Variants in MYOF observed in about 807,000 individuals in gnomAD.
MYOF encodes the protein myoferlin, also known as fer-1-like 3, myoferlin.
Under a neutral mutation model 284.2 loss-of-function variants are expected in MYOF, and 244 were observed. That is an observed-to-expected ratio of 0.86 (90% confidence interval 0.77 to 0.95). The LOEUF (loss-of-function observed/expected upper bound fraction) is 0.95, where lower values mean the gene tolerates loss of function less well. Ranked by LOEUF, MYOF falls within the 40% of genes least tolerant of loss-of-function variation. The probability of loss-of-function intolerance (pLI) is 0.00; values close to 1 mark genes in which losing one functional copy is unlikely to be tolerated. For synonymous variants in MYOF, 904 were observed against 919.7 expected, an observed-to-expected ratio of 0.98 and a Z score of 0.31; for missense variants, 2,496 against 2,560.6, an observed-to-expected ratio of 0.97 and a Z score of 0.54.
In MYOF at chr10:93,385,898, A is replaced by G. The variant is rs543787806; in HGVS notation, c.1698+1899T>C. On this transcript the variant is annotated intron_variant, in intron 19 of 53. Transcript: ENST00000359263. ...TAATGAAATAAGCTTCTTTGCCTGT[A>G]TGTGTTTAACTATTTGCAGTGAAGA... is the stretch of plus-strand genomic sequence containing the variant. Among the ~76,000 whole-genome samples, 71 of 149,268 alleles carry G rather than the reference A, an allele frequency of 4.8e-4. 2 individuals carry two copies. The South Asian group carries it at 0.011, about 23-fold the overall frequency.
At chr10:93,353,384 G>T (rs1458938293) in intron 32 of MYOF, among the ~76,000 whole-genome samples, 1 of 152,100 alleles carries the variant, frequency 6.6e-6, no homozygotes, top group Non-Finnish European at 1.5e-5. Flanking sequence ...ACTCCAAACT[G>T]CTCAAAGCCT....
At chr10:93,474,210 C>T (rs1283429232) in intron 1 of MYOF, among the ~76,000 whole-genome samples, 2 of 152,134 alleles carry the variant, frequency 1.3e-5, no homozygotes, top group Non-Finnish European at 2.9e-5. Context: ...AAGCATTTGA[C>T]TCAACTAGTA....
In MYOF at chr10:93,411,980, T is replaced by TGATC. The variant is rs560179384; in HGVS notation, c.434-2245_434-2242dup. On this transcript the variant is annotated intron_variant, in intron 5 of 53. Coordinates refer to ENST00000359263, the MANE Select transcript of MYOF (RefSeq NM_013451.4). Reference sequence around the variant, plus strand: ...GAGTGTGACTCCCTACTCTGTCCTCTGATCCTTTGACTCAACACTCTGTAG... The same window carrying TGATC: ...GAGTGTGACTCCCTACTCTGTCCTCTGATCGATCCTTTGACTCAACACTCTGTAG... Among the ~76,000 whole-genome samples, 93 of 152,344 alleles carry TGATC rather than the reference T, an allele frequency of 6.1e-4. No homozygotes were observed. The East Asian group carries it at 0.015, about 24-fold the overall frequency.
chr10:93,310,703 C>A, intron 51 of MYOF, 60 bp from the exon 52 acceptor site: 1 of 1,484,572 alleles, frequency 6.7e-7, no homozygotes, highest in Non-Finnish European at 9.4e-7. Flanking sequence ...ATTTTTACTT[C>A]AACCCAAGGA....
At chr10:93,330,404 C>G (rs1308981923) in intron 43 of MYOF, among the ~76,000 whole-genome samples, 1 of 152,148 alleles carries the variant, frequency 6.6e-6, no homozygotes. Flanking sequence ...TCCTCTGCCT[C>G]AATAGAGACC....
Position 93,387,921 on chromosome 10 carries a change from G to A in MYOF, c.1582-8C>T. ...GTAGGCAACTCCTTCCCCCTGAAAG[G>A]CAATAATCCAGGATTATTCCTCTAG... On this transcript the variant is annotated splice_region_variant and splice_polypyrimidine_tract_variant and intron_variant, in intron 18 of 53. Transcript: ENST00000359263. The A allele has an allele frequency of 6.2e-7, 1 of 1,605,136 alleles. No individual in the cohort carries two copies. The highest frequency in any genetic ancestry group is 8.5e-7 in the Non-Finnish European group (1 of 1,172,344).
At chr10:93,357,882 G>A (rs1170772790) in intron 29 of MYOF, among the ~76,000 whole-genome samples, 3 of 152,216 alleles carry the variant, frequency 2.0e-5, no homozygotes, top group Middle Eastern at 3.2e-3. Flanking sequence ...GTGCCCTCGT[G>A]TGGAAGAAGA....
chr10:93,398,623 C>A (rs1035742844), intron 13 of MYOF, among the ~76,000 whole-genome samples: 5 of 152,222 alleles, frequency 3.3e-5, no homozygotes, highest in Non-Finnish European at 5.9e-5. Context: ...TGGGGTAAAG[C>A]CTGAATTTAA....
At chr10:93,307,195 CG>C (rs60442844) in intron 53 of MYOF, among the ~76,000 whole-genome samples, 194 bp from the exon 54 acceptor site, 64,548 of 150,806 alleles carry the variant, frequency 0.43, 14,924 homozygotes, top group Non-Finnish European at 0.52. Context: ...AGCACCCCCC[CG>C]CCAAGTTGTT....
chr10:93,334,524 G>A (rs1184666467), intron 41 of MYOF, among the ~76,000 whole-genome samples: 1 of 152,156 alleles, frequency 6.6e-6, no homozygotes, highest in Non-Finnish European at 1.5e-5. Flanking sequence ...AGAGACGGGT[G>A]AGGGGAGCAT....
At chr10:93,481,362 C>T (rs1251633202) in intron 1 of MYOF, among the ~76,000 whole-genome samples, 2 of 152,114 alleles carry the variant, frequency 1.3e-5, no homozygotes, top group East Asian at 3.9e-4. Flanking sequence ...CTGTGCTCAG[C>T]CAACCATGAG....
At chr10:93,392,385 T>C (rs569839115) in intron 17 of MYOF, among the ~76,000 whole-genome samples, 4 of 152,262 alleles carry the variant, frequency 2.6e-5, no homozygotes, top group South Asian at 4.1e-4. Context: ...CCTAGGAGAA[T>C]TGTGATGGTC....
chr10:93,459,919 G>C (rs192676857), intron 1 of MYOF, among the ~76,000 whole-genome samples: 1 of 151,272 alleles, frequency 6.6e-6, no homozygotes, highest in African/African-American at 2.5e-5. Flanking sequence ...ACCGGGGCTT[G>C]GGGGGGTGGA....
Position 93,468,940 on chromosome 10 carries a change from C to G in MYOF, c.89-12003G>C, listed in dbSNP as rs565739707. ...CCATATATGAAGCAGTGGGAAAAAG[C>G]AAAGGACCAAGCATCCCAAGACCCA... On this transcript the variant is annotated intron_variant, in intron 1 of 53. Transcript: ENST00000359263. 3.3e-5 allele frequency among the ~76,000 whole-genome samples: 5 copies of G among 152,276 alleles called. No homozygotes were observed. In the East Asian group the frequency reaches 9.6e-4, roughly 29 times the overall value.
At chr10:93,382,882 A>G (rs994850536) in intron 19 of MYOF, among the ~76,000 whole-genome samples, 1 of 152,052 alleles carries the variant, frequency 6.6e-6, no homozygotes, top group Non-Finnish European at 1.5e-5. Context: ...TTGGGTATAT[A>G]CCCAGAAGTG....
At chr10:93,474,805 G>A (rs2057224756) in intron 1 of MYOF, among the ~76,000 whole-genome samples, 1 of 149,418 alleles carries the variant, frequency 6.7e-6, no homozygotes, top group South Asian at 2.1e-4. Context: ...GGAGTGTAAT[G>A]GCGCCATCTC....
intron 25 of MYOF, among the ~76,000 whole-genome samples, chr10:93,369,110 C>CTCT (rs1491460008): frequency 8.9e-5 from 7 of 78,308 alleles, no homozygotes; most frequent in African/African-American, 4.5e-4. Flanking sequence ...ATTCAGACAG[C>CTCT]TTTTTTTTTT....
chr10:93,352,003 T>C (rs1844545144), intron 32 of MYOF, among the ~76,000 whole-genome samples, 157 bp from the exon 33 acceptor site: 1 of 152,162 alleles, frequency 6.6e-6, no homozygotes, highest in African/African-American at 2.4e-5. Context: ...GAGTTCCCCA[T>C]GGAAGGTTCT....
intron 26 of MYOF, among the ~76,000 whole-genome samples, chr10:93,364,805 C>A (rs897598947): frequency 6.6e-6 from 1 of 152,086 alleles, no homozygotes; most frequent in African/African-American, 2.4e-5. Flanking sequence ...ATTGTTTCTG[C>A]ATCTTTTCTC....
Sources: allele counts gnomAD v4.1 joint callset (sites outside exome capture counted in the v4.1 genomes callset), GRCh38; gene constraint gnomAD v4.1.1; transcripts MANE v1.5; gene names NCBI Gene and HGNC (gene_info 2026-07-23, HGNC 2026-07-21).